Variants in DIAPH2 observed in about 807,000 individuals in gnomAD.
DIAPH2 encodes the protein protein diaphanous homolog 2.
In DIAPH2, 35 loss-of-function variants were observed where a neutral mutation model predicts 92.7. The ratio of observed to expected loss-of-function variants is 0.38; its 90% CI spans 0.29 to 0.50. DIAPH2 has a LOEUF of 0.50. Among genes scored for constraint, DIAPH2 ranks in the 20% least tolerant of loss-of-function variants. The pLI, the probability that DIAPH2 is intolerant of heterozygous loss-of-function variation, is 0.94. For missense variants in DIAPH2, 701 were observed against 819.5 expected, an observed-to-expected ratio of 0.86 and a Z score of 1.77; for synonymous variants, 301 against 280.4, an observed-to-expected ratio of 1.07 and a Z score of -0.73.
chrX:96,948,236 A>C (rs1351656759), intron 14 of DIAPH2, among the ~76,000 whole-genome samples: 1 of 112,484 alleles, frequency 8.9e-6, no homozygotes, highest in Non-Finnish European at 1.9e-5. Context: ...AAACTGCTTG[A>C]TGGTTTATTT....
At chrX:97,382,353 G>A (rs1335762852) in intron 24 of DIAPH2, among the ~76,000 whole-genome samples, 1 of 112,052 alleles carries the variant, frequency 8.9e-6, no homozygotes, top group Non-Finnish European at 1.9e-5. Context: ...CACACTGGGA[G>A]GCCAAGCCGG....
intron 17 of DIAPH2, among the ~76,000 whole-genome samples, chrX:96,991,358 TC>T (rs1293436988): frequency 1.4e-4 from 15 of 110,242 alleles, no homozygotes; most frequent in South Asian, 3.9e-4. Context: ...CCTCAGGTGA[TC>T]CACCTGCCTC....
chrX:97,046,450 A>G (rs1391799929), intron 17 of DIAPH2, among the ~76,000 whole-genome samples: 1 of 111,226 alleles, frequency 9.0e-6, no homozygotes, highest in Non-Finnish European at 1.9e-5. Flanking sequence ...TTTTCTCATT[A>G]GTTAGGCAGC....
At chrX:97,585,966 T>C (rs1315025254) in intron 26 of DIAPH2, among the ~76,000 whole-genome samples, 2 of 112,310 alleles carry the variant, frequency 1.8e-5, no homozygotes, top group Non-Finnish European at 3.8e-5. Flanking sequence ...TATGCCTCTC[T>C]GAATATTTGC....
intron 1 of DIAPH2, among the ~76,000 whole-genome samples, chrX:96,695,777 A>G (rs758315710): frequency 5.4e-4 from 60 of 111,935 alleles, no homozygotes; most frequent in African/African-American, 1.7e-3. Context: ...TTCTGTGACT[A>G]TTATCAATGG....
At chrX:97,561,906 T>G (rs937899979) in intron 26 of DIAPH2, among the ~76,000 whole-genome samples, 2 of 112,458 alleles carry the variant, frequency 1.8e-5, no homozygotes, top group East Asian at 2.8e-4. Context: ...ACATTTTTGT[T>G]TTTACTATGG....
chrX:97,395,642 A>G (rs1398010832), intron 25 of DIAPH2, among the ~76,000 whole-genome samples: 2 of 111,799 alleles, frequency 1.8e-5, no homozygotes, highest in African/African-American at 3.3e-5. Flanking sequence ...ACCCCATACT[A>G]AAATAATTAC....
intron 26 of DIAPH2, among the ~76,000 whole-genome samples, chrX:97,468,733 T>G (rs2070536892): frequency 9.0e-6 from 1 of 110,747 alleles, no homozygotes; most frequent in Admixed American, 9.7e-5. Flanking sequence ...CATTTAACAC[T>G]AAAACATTAG....
chrX:97,490,959 GA>G (rs1355502121), intron 26 of DIAPH2, among the ~76,000 whole-genome samples: 1 of 108,807 alleles, frequency 9.2e-6, no homozygotes. Context: ...TTTCCTTATT[GA>G]TTTTTTTTTT....
intron 23 of DIAPH2, among the ~76,000 whole-genome samples, chrX:97,295,948 T>C (rs1483899353): frequency 9.1e-6 from 1 of 110,374 alleles, no homozygotes; most frequent in African/African-American, 3.3e-5. Flanking sequence ...GCCAGGCTGG[T>C]CTCGAACTCC....
chrX:97,088,287 A>G (rs1393685357), intron 19 of DIAPH2, among the ~76,000 whole-genome samples: 1 of 111,826 alleles, frequency 8.9e-6, no homozygotes, highest in African/African-American at 3.2e-5. Context: ...CTTAAAACCT[A>G]CTTTCTCTTG....
chrX:97,095,672 G>T (rs1939609473), intron 19 of DIAPH2, among the ~76,000 whole-genome samples: 1 of 110,795 alleles, frequency 9.0e-6, no homozygotes, highest in African/African-American at 3.3e-5. Context: ...GGGCATTATG[G>T]TTCAATACCT....
At chrX:97,154,701 C>T (rs974673990) in intron 22 of DIAPH2, among the ~76,000 whole-genome samples, 1 of 111,513 alleles carries the variant, frequency 9.0e-6, no homozygotes, top group Non-Finnish European at 1.9e-5. Flanking sequence ...CTTTATTTAA[C>T]GCTATTCGTA....
intron 10 of DIAPH2, 119 bp from the exon 11 acceptor site, chrX:96,937,114 A>G (rs1224190325): frequency 5.7e-6 from 2 of 351,884 alleles, no homozygotes; most frequent in Non-Finnish European, 9.5e-6. Flanking sequence ...AAGTGCCCGC[A>G]TAAATATTTG....
At chrX:97,336,435 G>A (rs1277675408) in intron 23 of DIAPH2, among the ~76,000 whole-genome samples, 3 of 107,082 alleles carry the variant, frequency 2.8e-5, no homozygotes, top group African/African-American at 1.0e-4. Context: ...ATTTTTAGTA[G>A]AGATGGGGTT....
intron 21 of DIAPH2, among the ~76,000 whole-genome samples, chrX:97,135,438 C>T (rs1423937739): frequency 9.0e-6 from 1 of 111,113 alleles, no homozygotes; most frequent in East Asian, 2.8e-4. Context: ...AAACTCCTGA[C>T]CTCAGGTGAT....
chrX:97,115,658 T>C (rs2067011784), intron 21 of DIAPH2, among the ~76,000 whole-genome samples: 1 of 112,391 alleles, frequency 8.9e-6, no homozygotes. Context: ...AAATTTATTT[T>C]TGAATATAGT....
intron 23 of DIAPH2, among the ~76,000 whole-genome samples, chrX:97,298,198 T>G (rs1281513654): frequency 9.2e-6 from 1 of 109,210 alleles, no homozygotes; most frequent in African/African-American, 3.3e-5. Flanking sequence ...GTAGCTGAAA[T>G]TTGAATAAAT....
At position 97,185,357 on chromosome X, in the gene DIAPH2, G is replaced by A. The variant is rs74646733; in HGVS notation, c.2719+43563G>A. The stretch of plus-strand genomic sequence containing the variant: ...TATATATATGTATATATATATGTGT[G>A]TATATATATATGTATATATATATGT... On this transcript the variant is annotated intron_variant, in intron 22 of 26. Transcript: ENST00000324765. 4.5e-3 allele frequency among the ~76,000 whole-genome samples: 88 copies of A among 19,606 alleles called. 4 individuals carry two copies. The highest frequency in any genetic ancestry group is 5.3e-3 in the Non-Finnish European group (70 of 13,164). 17.0% of individuals were successfully genotyped at this position (19,606 alleles called of 115,157 possible). A position where few individuals can be genotyped will look rare whatever the true frequency, so the allele number is the denominator to read the frequency against.
Sources: gnomAD v4.1 joint callset for allele counts (sites outside exome capture counted in the v4.1 genomes callset) on GRCh38, gnomAD v4.1.1 for gene constraint, MANE v1.5 for transcripts, NCBI Gene and HGNC (gene_info 2026-07-23, HGNC 2026-07-21) for gene names.